DOCK9: variants seen among roughly 807,000 people sequenced by gnomAD.
DOCK9 encodes dedicator of cytokinesis 9.
A neutral mutation model predicts 263.3 loss-of-function variants in DOCK9; 89 were observed. The observed-to-expected ratio is 0.34, with a 90% CI of 0.28 to 0.40. The LOEUF is 0.40. Among genes scored for constraint, DOCK9 ranks in the 10% least tolerant of loss-of-function variants. The probability of loss-of-function intolerance (pLI) is 1.00; values close to 1 mark genes in which losing one functional copy is unlikely to be tolerated. For missense variants in DOCK9, 2,140 were observed against 2,603.4 expected (o/e 0.82, Z 3.87); for synonymous variants, 976 against 973.1 (o/e 1.00, Z -0.06).
In DOCK9 at chr13:98,888,632, T is replaced by C. The variant is rs750136091; in HGVS notation, c.1789A>G (p.Asn597Asp). 1.2e-6 allele frequency: 2 copies of C among 1,613,660 alleles called. No individual in the cohort carries two copies. The highest frequency in any genetic ancestry group is 1.7e-6 in the Non-Finnish European group (2 of 1,179,648). The change falls in exon 16 of 53, where the codon AAT becomes GAT. Residue 597 changes from asparagine to aspartate, a missense_variant and splice_region_variant. Physicochemically the swap from Asn to Asp is conservative, Grantham distance 23. Coordinates refer to ENST00000682017, the MANE Select transcript of DOCK9 (RefSeq NM_001366683.2). ...TIDNVSSDFP[N>D]YVNSSYIPTK... ...TCTATTATGTAGAACTGACACTTAC[T>C]AGGGAAGTCTGAGGAAACATTATCA...
chr13:99,000,616 C>G (rs972714212), intron 1 of DOCK9, among the ~76,000 whole-genome samples: 5 of 152,126 alleles, frequency 3.3e-5, no homozygotes, highest in African/African-American at 1.2e-4. Context: ...TCTCCTCACT[C>G]GAAATAAAAA....
At position 98,955,558 on chromosome 13, in the gene DOCK9, G is replaced by A. The variant is rs1264439585; in HGVS notation, c.127-7C>T. On this transcript the variant is annotated splice_region_variant and splice_polypyrimidine_tract_variant and intron_variant, in intron 1 of 52. Transcript: ENST00000682017. ...CAATTAGCTTTGGCTTTGCCTGGAG[G>A]GCGAAAAGATAAGCAAGACATTCTC... 1.3e-6 allele frequency: 2 copies of A among 1,567,832 alleles called. No homozygotes were observed. The highest frequency in any genetic ancestry group is 1.7e-6 in the Non-Finnish European group (2 of 1,152,162).
intron 1 of DOCK9, among the ~76,000 whole-genome samples, chr13:99,014,904 C>T (rs537817979): frequency 1.4e-4 from 22 of 152,182 alleles, no homozygotes; most frequent in Non-Finnish European, 2.9e-4. Context: ...AGACCCTTCA[C>T]CCCAAAACAT....
chr13:99,030,530 T>C (rs1887223151), intron 1 of DOCK9, among the ~76,000 whole-genome samples: 2 of 152,188 alleles, frequency 1.3e-5, no homozygotes, highest in Admixed American at 6.5e-5. Flanking sequence ...ACAGAACAGA[T>C]GGGATAGTAC....
chr13:98,887,143 A>ATTTT (rs58434344), intron 18 of DOCK9, among the ~76,000 whole-genome samples: 29 of 95,234 alleles, frequency 3.0e-4, no homozygotes, highest in Non-Finnish European at 4.4e-4. Context: ...ATATATATAT[A>ATTTT]TTTTTTTTTT....
intron 1 of DOCK9, among the ~76,000 whole-genome samples, chr13:99,060,651 A>C (rs1395716378): frequency 6.6e-6 from 1 of 152,154 alleles, no homozygotes; most frequent in African/African-American, 2.4e-5. Context: ...GTATCTTATA[A>C]TATCTGTCTT....
intron 39 of DOCK9, among the ~76,000 whole-genome samples, chr13:98,834,134 A>G (rs1417227706): frequency 6.6e-6 from 1 of 152,208 alleles, no homozygotes; most frequent in Non-Finnish European, 1.5e-5. Flanking sequence ...GACCATTGTA[A>G]CATGGTCTCT....
chr13:99,037,329 G>A (rs1363405036), intron 1 of DOCK9, among the ~76,000 whole-genome samples: 4 of 151,088 alleles, frequency 2.6e-5, no homozygotes, highest in Non-Finnish European at 4.4e-5. Context: ...CAAACATTTC[G>A]CCAAAAAAAA....
chr13:98,995,829 T>C (rs1388280359), intron 1 of DOCK9, among the ~76,000 whole-genome samples: 1 of 152,096 alleles, frequency 6.6e-6, no homozygotes, highest in African/African-American at 2.4e-5. Flanking sequence ...GAGTGAATTC[T>C]GAATAGTGGC....
intron 7 of DOCK9, 46 bp from the exon 8 acceptor site, chr13:98,915,549 A>T: frequency 6.5e-7 from 1 of 1,535,286 alleles, no homozygotes. Flanking sequence ...AAGAATTAGA[A>T]CTGCTTTAAA....
chr13:98,841,871 G>A (rs2093231841), intron 38 of DOCK9, among the ~76,000 whole-genome samples: 1 of 151,870 alleles, frequency 6.6e-6, no homozygotes, highest in African/African-American at 2.4e-5. Context: ...TCGAACTCCT[G>A]ACTTCAAGTG....
chr13:98,843,213 C>T (rs1329261043), intron 38 of DOCK9, among the ~76,000 whole-genome samples: 1 of 152,144 alleles, frequency 6.6e-6, no homozygotes, highest in Non-Finnish European at 1.5e-5. Flanking sequence ...GGTTCCCTGG[C>T]AACTTTCTCA....
chr13:98,859,056 GC>G (rs1566742689), intron 33 of DOCK9: 1 of 152,254 alleles, frequency 6.6e-6, no homozygotes, highest in Non-Finnish European at 1.5e-5. Flanking sequence ...ACAACATCCT[GC>G]CATGGTAACT....
intron 44 of DOCK9, among the ~76,000 whole-genome samples, chr13:98,826,297 G>C (rs1003893648): frequency 1.3e-5 from 2 of 152,178 alleles, no homozygotes; most frequent in Non-Finnish European, 2.9e-5. Context: ...TAACCAAAGG[G>C]AAACTGTGAA....
At chr13:98,958,074 G>A (rs150548903) in intron 1 of DOCK9, among the ~76,000 whole-genome samples, 3 of 152,366 alleles carry the variant, frequency 2.0e-5, no homozygotes, top group Non-Finnish European at 4.4e-5. Context: ...TGGACAGGGG[G>A]TTGGAGGGAC....
At chr13:98,861,704 G>A (rs565631022) in intron 32 of DOCK9, among the ~76,000 whole-genome samples, 1 of 152,242 alleles carries the variant, frequency 6.6e-6, no homozygotes, top group East Asian at 1.9e-4. Flanking sequence ...CATATGAAAG[G>A]TACCAGAGAC....
intron 2 of DOCK9, among the ~76,000 whole-genome samples, chr13:98,939,786 T>C (rs756276889): frequency 2.6e-5 from 4 of 152,360 alleles, no homozygotes; most frequent in Admixed American, 6.5e-5. Flanking sequence ...TCCACGTCCA[T>C]GTTCCAAAGT....
intron 30 of DOCK9, among the ~76,000 whole-genome samples, chr13:98,866,463 T>C (rs2142040467): frequency 6.6e-6 from 1 of 152,296 alleles, no homozygotes; most frequent in South Asian, 2.1e-4. Flanking sequence ...AAGCAGTTGA[T>C]TCAGGTGCCA....
intron 2 of DOCK9, among the ~76,000 whole-genome samples, chr13:98,938,545 AT>A (rs1284819959): frequency 1.3e-5 from 2 of 152,238 alleles, no homozygotes; most frequent in African/African-American, 4.8e-5. Flanking sequence ...TGAATACCAT[AT>A]TTGCTTTGAA....
Sources: allele counts gnomAD v4.1 joint callset (sites outside exome capture counted in the v4.1 genomes callset), GRCh38; gene constraint gnomAD v4.1.1; transcripts MANE v1.5; gene names NCBI Gene and HGNC (gene_info 2026-07-23, HGNC 2026-07-21).